ME3: variants seen among roughly 807,000 people sequenced by gnomAD.
The protein encoded by ME3 is NADP-dependent malic enzyme, mitochondrial.
Under a neutral mutation model 68.9 loss-of-function variants are expected in ME3, and 48 were observed. The ratio of observed to expected loss-of-function variants is 0.70; its 90% CI spans 0.55 to 0.89. ME3 has a LOEUF of 0.89. ME3 is among the 40% of genes least tolerant of loss of function. The pLI, the probability that ME3 is intolerant of heterozygous loss-of-function variation, is 0.00. For synonymous variants in ME3, 320 were observed against 318.8 expected, an observed-to-expected ratio of 1.00 and a Z score of -0.04; for missense variants, 675 against 797.4, an observed-to-expected ratio of 0.85 and a Z score of 1.85.
chr11:86,636,939 G>T (rs12790474), intron 2 of ME3, among the ~76,000 whole-genome samples: 53,909 of 152,068 alleles, frequency 0.35, 11,062 homozygotes, highest in Non-Finnish European at 0.46. Flanking sequence ...TTAGGATGCT[G>T]TGAGGCCAGA....
intron 6 of ME3, among the ~76,000 whole-genome samples, chr11:86,495,157 T>A (rs1320845603): frequency 6.6e-6 from 1 of 152,212 alleles, no homozygotes; most frequent in African/African-American, 2.4e-5. Context: ...GCCCTGCCGC[T>A]TCTAGCAGAT....
chr11:86,523,376 G>A (rs1954474622), intron 4 of ME3, among the ~76,000 whole-genome samples: 2 of 152,172 alleles, frequency 1.3e-5, no homozygotes, highest in Admixed American at 1.3e-4. Flanking sequence ...AGGGAAAGCA[G>A]GTAAGAAACC....
chr11:86,666,472 T>A (rs563611431), intron 2 of ME3, among the ~76,000 whole-genome samples: 62 of 152,376 alleles, frequency 4.1e-4, no homozygotes, highest in African/African-American at 1.5e-3. Context: ...CACATTGTTG[T>A]CATTGCCTAA....
chr11:86,507,319 G>C (rs1027338571), intron 5 of ME3, among the ~76,000 whole-genome samples: 1 of 152,172 alleles, frequency 6.6e-6, no homozygotes, highest in African/African-American at 2.4e-5. Flanking sequence ...ACTAGACTTT[G>C]AGCTCCTCAA....
chr11:86,632,109 C>T (rs1944054586), intron 2 of ME3, among the ~76,000 whole-genome samples: 1 of 152,216 alleles, frequency 6.6e-6, no homozygotes, highest in Non-Finnish European at 1.5e-5. Context: ...GTACCTTGTC[C>T]ATGGCCACAT....
intron 8 of ME3, among the ~76,000 whole-genome samples, chr11:86,460,635 G>T (rs186969595): frequency 6.6e-6 from 1 of 152,328 alleles, no homozygotes; most frequent in Admixed American, 6.5e-5. Flanking sequence ...GCTCCCACGT[G>T]TGGTGTGATT....
intron 4 of ME3, among the ~76,000 whole-genome samples, chr11:86,534,618 T>G (rs1481064531): frequency 6.6e-6 from 1 of 152,100 alleles, no homozygotes; most frequent in Non-Finnish European, 1.5e-5. Context: ...GAGGTTGCAG[T>G]GAGCCGAGAT....
At chr11:86,483,505 G>A (rs979075229) in intron 7 of ME3, among the ~76,000 whole-genome samples, 14 of 151,754 alleles carry the variant, frequency 9.2e-5, no homozygotes, top group Non-Finnish European at 1.8e-4. Flanking sequence ...CAGGGATTAC[G>A]TGTGTGTGTG....
chr11:86,670,614 ATTT>A, intron 2 of ME3, among the ~76,000 whole-genome samples: 1 of 151,760 alleles, frequency 6.6e-6, no homozygotes, highest in South Asian at 2.1e-4. Context: ...GTTGATTTTG[ATTT>A]TTTTTTCCTT....
chr11:86,517,551 G>T (rs956219393), intron 4 of ME3, among the ~76,000 whole-genome samples: 10 of 152,124 alleles, frequency 6.6e-5, no homozygotes, highest in African/African-American at 1.9e-4. Context: ...ACATGTTGGA[G>T]CTCTGATTAA....
intron 4 of ME3, among the ~76,000 whole-genome samples, chr11:86,547,238 TC>T (rs1288422495): frequency 5.1e-5 from 3 of 58,602 alleles, no homozygotes; most frequent in African/African-American, 2.7e-4. Context: ...AGACTCCATC[TC>T]AAAAAAAAAA....
chr11:86,628,151 G>T (rs1032022055), intron 2 of ME3, among the ~76,000 whole-genome samples: 1 of 152,214 alleles, frequency 6.6e-6, no homozygotes, highest in Non-Finnish European at 1.5e-5. Flanking sequence ...TATCTGGAGA[G>T]TTAAGATTTA....
chr11:86,622,188 A>G (rs925226920), intron 2 of ME3, among the ~76,000 whole-genome samples: 13 of 152,054 alleles, frequency 8.5e-5, no homozygotes, highest in African/African-American at 3.1e-4. Context: ...TACAACCTTG[A>G]CAGCAGTAAA....
chr11:86,543,623 C>T (rs796153047), intron 4 of ME3, among the ~76,000 whole-genome samples: 1 of 152,162 alleles, frequency 6.6e-6, no homozygotes, highest in Non-Finnish European at 1.5e-5. Flanking sequence ...AATATATATG[C>T]ACCCAATACA....
At chr11:86,620,309 A>G (rs1943264199) in intron 2 of ME3, among the ~76,000 whole-genome samples, 1 of 152,180 alleles carries the variant, frequency 6.6e-6, no homozygotes, top group Non-Finnish European at 1.5e-5. Flanking sequence ...CCTTTGGGCA[A>G]TTTGCCTTCA....
intron 7 of ME3, among the ~76,000 whole-genome samples, chr11:86,471,518 G>A (rs75230005): frequency 0.076 from 11,608 of 152,016 alleles, 495 homozygotes; most frequent in South Asian, 0.11. Context: ...CTGGGGTCCC[G>A]TGATATTCTG....
chr11:86,486,449 CT>C (rs1951691139), intron 7 of ME3, among the ~76,000 whole-genome samples: 2 of 152,254 alleles, frequency 1.3e-5, no homozygotes, highest in South Asian at 4.1e-4. Flanking sequence ...TTGCCCACCC[CT>C]GAAGCCCACC....
intron 2 of ME3, among the ~76,000 whole-genome samples, chr11:86,645,414 G>A (rs503155): frequency 6.6e-6 from 1 of 151,952 alleles, no homozygotes; most frequent in South Asian, 2.1e-4. Flanking sequence ...TGAGTAGGCC[G>A]TTTTCCCCTC....
chr11:86,626,881 C>G (rs1329789979), intron 2 of ME3, among the ~76,000 whole-genome samples: 1 of 152,154 alleles, frequency 6.6e-6, no homozygotes, highest in African/African-American at 2.4e-5. Flanking sequence ...TATATTATAT[C>G]CCCTCTGTTT....
Sources: gnomAD v4.1 joint callset for allele counts (sites outside exome capture counted in the v4.1 genomes callset) on GRCh38, gnomAD v4.1.1 for gene constraint, MANE v1.5 for transcripts, NCBI Gene and HGNC (gene_info 2026-07-23, HGNC 2026-07-21) for gene names.